The following CCT5 variants were observed in gnomAD, a reference collection of about 807,000 sequenced individuals.
CCT5 encodes T-complex protein 1 subunit epsilon.
Under a neutral mutation model 55.0 loss-of-function variants are expected in CCT5, and 6 were observed. The ratio of observed to expected loss-of-function variants is 0.11; its 90% confidence interval spans 0.06 to 0.22. The LOEUF is 0.22. Ranked by LOEUF, CCT5 falls within the 10% of genes least tolerant of loss-of-function variation. CCT5 has a pLI of 1.00. For synonymous variants in CCT5, 231 were observed against 243.7 expected, an observed-to-expected ratio of 0.95 and a Z score of 0.49; for missense variants, 560 against 694.6, an observed-to-expected ratio of 0.81 and a Z score of 2.18.
At chr5:10,263,011 G>T in intron 9 of CCT5, 123 bp from the exon 10 acceptor site, 1 of 804,086 alleles carries the variant, frequency 1.2e-6, no homozygotes, top group East Asian at 2.5e-5. Context: ...AATAAAGACA[G>T]CCTGTTCTTA....
rs1267732807 is a variant in CCT5 at position 10,263,139 on chromosome 5, C to T, written c.1323C>T (p.Pro441=). Residue 441 remains proline (P), a synonymous_variant, in exon 10 of 11, where the codon CCC becomes CCT. Transcript: ENST00000280326. ...LAVSQEADKC[P]TLEQYAMRAF... is the part of the protein sequence containing the mutation. ...ATACTTCTGTACCTTTCCAGTGCCCCACCTTAGAACAGTATGCCATGAGAG... is the reference window on the plus strand; with the variant it reads ...ATACTTCTGTACCTTTCCAGTGCCCTACCTTAGAACAGTATGCCATGAGAG... The T allele has an allele frequency of 1.2e-6, 2 of 1,614,012 alleles. No homozygotes were observed. The highest frequency in any genetic ancestry group is 1.7e-6 in the Non-Finnish European group (2 of 1,180,008).
intron 3 of CCT5, 39 bp downstream of exon 3, chr5:10,254,877 G>T: frequency 1.9e-6 from 3 of 1,556,602 alleles, no homozygotes; most frequent in Non-Finnish European, 2.7e-6. Flanking sequence ...TTTAAGAGAC[G>T]TCATTTAAGA....
chr5:10,259,292 TG>T (rs1424186306), intron 6 of CCT5, among the ~76,000 whole-genome samples: 1 of 152,194 alleles, frequency 6.6e-6, no homozygotes, highest in African/African-American at 2.4e-5. Flanking sequence ...GCTGCGTCCT[TG>T]GGAGTTGAAA....
intron 1 of CCT5, chr5:10,250,665 C>G: frequency 7.1e-7 from 1 of 1,407,842 alleles, no homozygotes; most frequent in African/African-American, 1.4e-5. Flanking sequence ...CCAGGCTGGG[C>G]CGCCAGCGCC....
upstream of CCT5, chr5:10,250,055 T>C: frequency 1.3e-6 from 2 of 1,541,058 alleles, no homozygotes; most frequent in Non-Finnish European, 1.7e-6. Flanking sequence ...GGTAACGTTT[T>C]AAAAAATGAC....
intron 8 of CCT5, chr5:10,262,175 A>AAT (rs1745999676): frequency 4.8e-6 from 2 of 417,362 alleles, no homozygotes; most frequent in Non-Finnish European, 4.5e-6. Flanking sequence ...CAAGTGAATA[A>AAT]CCATTGACGA....
At chr5:10,254,257 T>G in intron 2 of CCT5, 52 bp downstream of exon 2, 3 of 1,259,772 alleles carry the variant, frequency 2.4e-6, no homozygotes, top group Non-Finnish European at 3.5e-6. Context: ...ATTATAAAAC[T>G]GTCAATATAA....
chr5:10,260,094 G>C (rs1003720673), intron 6 of CCT5, among the ~76,000 whole-genome samples: 3 of 152,188 alleles, frequency 2.0e-5, no homozygotes, highest in Non-Finnish European at 2.9e-5. Context: ...AGTTCCAGAG[G>C]GTCAGGGAAG....
chr5:10,263,320 G>C lies in CCT5; in HGVS notation c.1498+6G>C, dbSNP rs773624058. On this transcript the variant is annotated splice_donor_region_variant and intron_variant, in intron 10 of 10. Coordinates refer to ENST00000280326, the MANE Select transcript of CCT5 (RefSeq NM_012073.5). ...TTTGCACAAGGGGACAAATGGTGAGGAGCTGTCACGCCTCTGCGTGGAGGG... is the reference window on the plus strand; with the variant it reads ...TTTGCACAAGGGGACAAATGGTGAGCAGCTGTCACGCCTCTGCGTGGAGGG... The C allele has an allele frequency of 2.5e-6, 4 of 1,597,140 alleles. No individual in the cohort carries two copies. Among genetic ancestry groups the C allele is most frequent in the Middle Eastern group, 1.7e-4 (1 of 6,052 alleles).
intron 4 of CCT5, 27 bp from the exon 5 acceptor site, chr5:10,258,084 A>T (rs1230574696): frequency 1.9e-6 from 3 of 1,611,638 alleles, no homozygotes; most frequent in Non-Finnish European, 2.5e-6. Context: ...GAAACCAATG[A>T]AGTTTGTTTT....
intron 8 of CCT5, 124 bp from the exon 9 acceptor site, chr5:10,262,357 C>G: frequency 9.8e-7 from 1 of 1,020,508 alleles, no homozygotes; most frequent in Non-Finnish European, 1.5e-6. Context: ...TAAATATTAT[C>G]CGATAGTGGA....
At chr5:10,252,716 C>A (rs1745486471) in intron 1 of CCT5, among the ~76,000 whole-genome samples, 1 of 152,050 alleles carries the variant, frequency 6.6e-6, no homozygotes, top group South Asian at 2.1e-4. Flanking sequence ...TCCAGGCCAG[C>A]CAGCATAATT....
At chr5:10,250,013 T>C, upstream of CCT5, 1 of 1,518,836 alleles carries the variant, frequency 6.6e-7, no homozygotes, top group African/African-American at 1.4e-5. Context: ...AATGAATTCC[T>C]CCTTGGGACC....
intron 8 of CCT5, chr5:10,262,061 T>A: frequency 2.5e-6 from 1 of 402,656 alleles, no homozygotes; most frequent in Admixed American, 3.7e-5. Flanking sequence ...CATTAGGGGT[T>A]GGTTAAACTG....
chr5:10,257,477 T>C (rs577045972), intron 4 of CCT5, among the ~76,000 whole-genome samples: 1 of 152,382 alleles, frequency 6.6e-6, no homozygotes, highest in South Asian at 2.1e-4. Flanking sequence ...TGGTTCTCTT[T>C]TATAGATAAC....
intron 9 of CCT5, 110 bp downstream of exon 9, chr5:10,262,728 G>A (rs1445297248): frequency 8.6e-7 from 1 of 1,166,804 alleles, no homozygotes; most frequent in African/African-American, 1.5e-5. Flanking sequence ...CGTGAGCTGT[G>A]TGTAGGTGAC....
intron 1 of CCT5, chr5:10,250,687 G>A: frequency 5.1e-6 from 7 of 1,385,552 alleles, no homozygotes; most frequent in Non-Finnish European, 6.5e-6. Flanking sequence ...TTCGGAGCTG[G>A]GTGGGGCCGC....
intron 7 of CCT5, 200 bp downstream of exon 7, chr5:10,261,111 C>G: frequency 1.5e-6 from 1 of 658,364 alleles, no homozygotes; most frequent in Non-Finnish European, 2.7e-6. Context: ...TGTTCCCTGG[C>G]ATTTTGAAAT....
At chr5:10,253,111 A>C (rs1457545394) in intron 1 of CCT5, among the ~76,000 whole-genome samples, 2 of 152,084 alleles carry the variant, frequency 1.3e-5, no homozygotes. Flanking sequence ...GGATCACCTG[A>C]GGTCAGGAGT....
Sources: gnomAD v4.1 joint callset for allele counts (sites outside exome capture counted in the v4.1 genomes callset) on GRCh38, gnomAD v4.1.1 for gene constraint, MANE v1.5 for transcripts, NCBI Gene and HGNC (gene_info 2026-07-23, HGNC 2026-07-21) for gene names.